Variants in KCNIP4 observed in about 807,000 individuals in gnomAD.
KCNIP4 encodes the protein Kv channel-interacting protein 4.
A neutral mutation model predicts 34.0 loss-of-function variants in KCNIP4; 12 were observed. That is an observed-to-expected ratio of 0.35 (90% confidence interval 0.23 to 0.57). The LOEUF is 0.57. KCNIP4 is among the 20% of genes least tolerant of loss of function. The pLI, the probability that KCNIP4 is intolerant of heterozygous loss-of-function variation, is 0.83. For synonymous variants in KCNIP4, 124 were observed against 102.2 expected, an observed-to-expected ratio of 1.21 and a Z score of -1.29; for missense variants, 238 against 311.7, an observed-to-expected ratio of 0.76 and a Z score of 1.78.
At chr4:21,108,586 C>G (rs1433637256) in intron 1 of KCNIP4, among the ~76,000 whole-genome samples, 1 of 151,728 alleles carries the variant, frequency 6.6e-6, no homozygotes, top group Non-Finnish European at 1.5e-5. Context: ...CTGAAGCCAT[C>G]TTCTCTCAAC....
chr4:21,418,058 G>T (rs1387510825), intron 1 of KCNIP4, among the ~76,000 whole-genome samples: 2 of 152,142 alleles, frequency 1.3e-5, no homozygotes, highest in Non-Finnish European at 2.9e-5. Flanking sequence ...CTAGAAAGCA[G>T]AATGTGTGTG....
chr4:21,170,089 G>A (rs190967386), intron 1 of KCNIP4, among the ~76,000 whole-genome samples: 5 of 152,186 alleles, frequency 3.3e-5, no homozygotes, highest in Admixed American at 3.3e-4. Flanking sequence ...TGCATTCAAG[G>A]AAACACCAAA....
intron 1 of KCNIP4, among the ~76,000 whole-genome samples, chr4:21,474,075 T>C (rs767885347): frequency 1.3e-5 from 2 of 152,094 alleles, no homozygotes; most frequent in African/African-American, 2.4e-5. Flanking sequence ...GGCTGTGGAG[T>C]AACAGAACTT....
At chr4:21,666,845 G>A (rs773426672) in intron 1 of KCNIP4, among the ~76,000 whole-genome samples, 1 of 152,176 alleles carries the variant, frequency 6.6e-6, no homozygotes, top group Non-Finnish European at 1.5e-5. Context: ...AGGAAAGAGA[G>A]CCACATTGAA....
intron 1 of KCNIP4, among the ~76,000 whole-genome samples, chr4:20,886,781 C>T (rs1725360198): frequency 6.6e-6 from 1 of 152,114 alleles, no homozygotes; most frequent in Admixed American, 6.6e-5. Context: ...GCTAGAAAGA[C>T]CAAAAAGAGC....
chr4:20,946,065 C>T (rs769306123), intron 1 of KCNIP4, among the ~76,000 whole-genome samples: 3 of 152,242 alleles, frequency 2.0e-5, no homozygotes, highest in South Asian at 2.1e-4. Context: ...ATGTCAGACA[C>T]TGCTCTAAGT....
intron 1 of KCNIP4, among the ~76,000 whole-genome samples, chr4:21,232,001 A>C (rs1758820558): frequency 6.6e-6 from 1 of 152,162 alleles, no homozygotes; most frequent in African/African-American, 2.4e-5. Context: ...GAACAGGTTA[A>C]TAATGCTTTC....
intron 5 of KCNIP4, among the ~76,000 whole-genome samples, chr4:20,744,322 C>T (rs572214740): frequency 1.4e-4 from 22 of 152,242 alleles, no homozygotes; most frequent in African/African-American, 3.6e-4. Context: ...ATGTTTATTG[C>T]GGCACTATTC....
chr4:20,982,237 T>C (rs1449688231), intron 1 of KCNIP4, among the ~76,000 whole-genome samples: 1 of 152,308 alleles, frequency 6.6e-6, no homozygotes, highest in East Asian at 1.9e-4. Flanking sequence ...AACCTAACTC[T>C]GAAACCAAGT....
intron 1 of KCNIP4, among the ~76,000 whole-genome samples, chr4:21,890,301 TA>T (rs1727017586): frequency 6.6e-6 from 1 of 152,086 alleles, no homozygotes; most frequent in African/African-American, 2.4e-5. Context: ...ATAATTTATA[TA>T]CCTTAATGAC....
intron 1 of KCNIP4, among the ~76,000 whole-genome samples, chr4:21,089,211 G>A: frequency 6.6e-6 from 1 of 152,104 alleles, no homozygotes; most frequent in East Asian, 1.9e-4. Context: ...CATGGGGGTG[G>A]ACTTCCCCCT....
chr4:21,719,132 G>T (rs963615284), intron 1 of KCNIP4: 2 of 152,158 alleles, frequency 1.3e-5, no homozygotes, highest in African/African-American at 4.8e-5. Context: ...AATCATTGAT[G>T]ATAGCTGATG....
chr4:21,107,622 A>T (rs28803182), intron 1 of KCNIP4, among the ~76,000 whole-genome samples: 1 of 147,794 alleles, frequency 6.8e-6, no homozygotes, highest in East Asian at 2.0e-4. Context: ...ATTGTTATGT[A>T]TGAATTTGAT....
At chr4:21,328,724 C>A (rs1239567073) in intron 1 of KCNIP4, among the ~76,000 whole-genome samples, 1 of 152,192 alleles carries the variant, frequency 6.6e-6, no homozygotes, top group African/African-American at 2.4e-5. Context: ...GAGCCAGGGC[C>A]TGGAGTCAGA....
intron 1 of KCNIP4, among the ~76,000 whole-genome samples, chr4:21,096,064 A>G (rs1029966925): frequency 2.6e-5 from 4 of 152,170 alleles, no homozygotes; most frequent in African/African-American, 9.7e-5. Flanking sequence ...CCCACAAACT[A>G]TCTGGGGAGA....
chr4:21,262,060 C>A (rs1396026725), intron 1 of KCNIP4, among the ~76,000 whole-genome samples: 3 of 152,212 alleles, frequency 2.0e-5, no homozygotes, highest in Non-Finnish European at 4.4e-5. Flanking sequence ...TGTTCACTCA[C>A]CATGCTCCCA....
chr4:20,815,137 T>C (rs1172435223), intron 3 of KCNIP4, among the ~76,000 whole-genome samples: 1 of 152,184 alleles, frequency 6.6e-6, no homozygotes, highest in Non-Finnish European at 1.5e-5. Flanking sequence ...ATATCAGCTG[T>C]TTTTTCATTC....
chr4:21,764,624 G>A (rs1326122987), intron 1 of KCNIP4, among the ~76,000 whole-genome samples: 1 of 152,096 alleles, frequency 6.6e-6, no homozygotes, highest in Non-Finnish European at 1.5e-5. Context: ...AGAGGGTGGT[G>A]ATGGCTTTGC....
At chr4:20,986,032 C>T (rs186759572) in intron 1 of KCNIP4, among the ~76,000 whole-genome samples, 12 of 152,204 alleles carry the variant, frequency 7.9e-5, no homozygotes, top group African/African-American at 2.4e-4. Context: ...ACTAAGTCTG[C>T]GGGGAGCTGA....
Sources: gnomAD v4.1 joint callset for allele counts (sites outside exome capture counted in the v4.1 genomes callset) on GRCh38, gnomAD v4.1.1 for gene constraint, MANE v1.5 for transcripts, NCBI Gene and HGNC (gene_info 2026-07-23, HGNC 2026-07-21) for gene names.